SRRM2: variants seen among roughly 807,000 people sequenced by gnomAD.
SRRM2 encodes the protein serine/arginine repetitive matrix protein 2.
In SRRM2, 30 loss-of-function variants were observed where a neutral mutation model predicts 213.8. The ratio of observed to expected loss-of-function variants is 0.14; its 90% CI spans 0.10 to 0.19. The LOEUF (loss-of-function observed/expected upper bound fraction) is 0.19, where lower values mean the gene tolerates loss of function less well. Among genes scored for constraint, SRRM2 ranks in the 10% least tolerant of loss-of-function variants. The pLI, the probability that SRRM2 is intolerant of heterozygous loss-of-function variation, is 1.00. For synonymous variants in SRRM2, 2,025 were observed against 1,377.7 expected (o/e 1.47, Z -10.40); for missense variants, 4,904 against 3,647.0 (o/e 1.34, Z -8.88).
At chr16:2,757,374 G>A in intron 2 of SRRM2, 98 bp from the exon 3 acceptor site, 1 of 1,004,374 alleles carries the variant, frequency 1.0e-6, no homozygotes, top group Non-Finnish European at 1.5e-6. Context: ...GTGTGCGCAT[G>A]GAGAGGGAGG....
At chr16:2,769,364 C>T in intron 12 of SRRM2, 80 bp downstream of exon 12, 2 of 1,471,172 alleles carry the variant, frequency 1.4e-6, no homozygotes, top group Non-Finnish European at 9.1e-7. Context: ...TGTGAGCTCC[C>T]CGCTGGGTGT....
chr16:2,759,948 A>G (rs1186427425), intron 9 of SRRM2: 2 of 535,960 alleles, frequency 3.7e-6, no homozygotes, highest in African/African-American at 3.8e-5. Flanking sequence ...TGGGGGAGGA[A>G]GGAATCCTTA....
Position 2,768,046 on chromosome 16 carries a change from G to C in SRRM2, c.7518G>C (p.Val2506=), listed in dbSNP as rs982746465. ...VPAPGVPHSD[V]GEPPASTGAQ... ...CCCCTGGGGTGCCCCACTCTGATGT[G>C]GGGGAGCCACCTGCCTCTACTGGGG... The change falls in exon 11 of 15, where the codon GTG becomes GTC. Residue 2506 remains valine (V), a synonymous_variant. Transcript: ENST00000301740. 71 of 1,613,994 alleles carry C rather than the reference G, an allele frequency of 4.4e-5. No individual in the cohort carries two copies. Among genetic ancestry groups the C allele is most frequent in the Non-Finnish European group, 5.9e-5 (70 of 1,179,992 alleles).
rs759448198 is a variant in SRRM2, at chr16:2,764,443, G to C, written c.3915G>C (p.Trp1305Cys). 1.9e-6 allele frequency: 3 copies of C among 1,612,922 alleles called. No individual in the cohort carries two copies. The highest frequency in any genetic ancestry group is 2.2e-5 in the South Asian group (2 of 90,770). ...AVEVPSMASS[W>C]GGPHFSPEHK... ...AAGTCCCTTCAATGGCCTCATCTTG[G>C]GGTGGGCCACATTTTTCTCCAGAAC... is the stretch of plus-strand genomic sequence containing the variant. The change falls in exon 11 of 15, where the codon TGG (tryptophan) becomes TGC (cysteine). Residue 1305 changes from tryptophan to cysteine, a missense_variant. Transcript: ENST00000301740.
chr16:2,762,524 C>T lies in SRRM2; in HGVS notation c.1996C>T (p.Arg666Cys), dbSNP rs750801916. 5.8e-5 allele frequency: 93 copies of T among 1,613,722 alleles called. No homozygotes were observed. In the Admixed American group the frequency reaches 6.5e-4, roughly 11 times the overall value. ...GRSRSRTPAR[R>C]GRSRSRTPAR... ...CTCACGCTCCAGAACCCCAGCCAGA[C>T]GTGGCCGCTCACGCTCTAGAACCCC... is the stretch of plus-strand genomic sequence containing the variant. Residue 666 changes from arginine (R) to cysteine (C), a missense_variant, in exon 11 of 15, where the codon CGT becomes TGT. Arg to Cys is a radical substitution (Grantham distance 180). Coordinates refer to ENST00000301740, the MANE Select transcript of SRRM2 (RefSeq NM_016333.4).
rs1163167450 is a variant in SRRM2, at chr16:2,764,803, T to C, written c.4275T>C (p.Pro1425=). 1 of 1,614,052 alleles carries C rather than the reference T, an allele frequency of 6.2e-7. No individual in the cohort carries two copies. The highest frequency in any genetic ancestry group is 1.3e-5 in the African/African-American group (1 of 74,914). The change falls in exon 11 of 15, where the codon CCT becomes CCC. Residue 1425 remains proline (P), a synonymous_variant. Transcript: ENST00000301740. ...AAAGAAGTAGTTCTGCATCTTCTCC[T>C]GAAATGAAAGATGGTTTACCCAGAA... is the stretch of plus-strand genomic sequence containing the variant. The part of the protein sequence containing the change: ...SRERSSSASS[P]EMKDGLPRTP...
rs747594136 is a variant in SRRM2 at position 2,767,435 on chromosome 16, C to T, written c.6907C>T (p.Pro2303Ser). 1 of 1,614,142 alleles carries T rather than the reference C, an allele frequency of 6.2e-7. No individual in the cohort carries two copies. The highest frequency in any genetic ancestry group is 1.1e-5 in the South Asian group (1 of 91,084). ...PAVNLAGART[P>S]AALAALSLTG... ...TGTGAACCTAGCAGGGGCCAGAACC[C>T]CAGCTGCCTTGGCAGCTCTGAGTCT... Residue 2303 changes from proline (P) to serine (S), a missense_variant, in exon 11 of 15, where the codon CCA becomes TCA. By Grantham distance (74) the Pro-to-Ser change is moderately conservative. Coordinates refer to ENST00000301740, the MANE Select transcript of SRRM2 (RefSeq NM_016333.4).
In SRRM2 at chr16:2,763,731, G is replaced by T. The variant is rs138424646; in HGVS notation, c.3203G>T (p.Arg1068Ile). 6.2e-7 allele frequency: 1 copy of T among 1,614,170 alleles called. No homozygotes were observed. Among genetic ancestry groups the T allele is most frequent in the Non-Finnish European group, 8.5e-7 (1 of 1,180,042 alleles). Residue 1068 changes from arginine to isoleucine, a missense_variant, in exon 11 of 15, where the codon AGA becomes ATA. Physicochemically the swap from Arg to Ile is moderately conservative, Grantham distance 97. Transcript: ENST00000301740. ...CAATCTCAAACTTCACCAGACCACA[G>T]ATCTGATACTTCAAGTCCAGAAGTG... ...KGQSQTSPDH[R>I]SDTSSPEVRQ...
rs1260601266 is a variant in SRRM2 at position 2,757,863 on chromosome 16, T to G, written c.433T>G (p.Tyr145Asp). 1 of 1,614,044 alleles carries G rather than the reference T, an allele frequency of 6.2e-7. No homozygotes were observed. Among genetic ancestry groups the G allele is most frequent in the African/African-American group, 1.3e-5 (1 of 74,924 alleles). ...LRAAFGISDSYVDGSSFDPQR... is the reference protein window; with the variant it reads ...LRAAFGISDSDVDGSSFDPQR... ...TGCTGCCTTTGGCATCAGTGATTCT[T>G]ACGTAGATGGCAGCTCTTTTGATCC... Residue 145 changes from tyrosine (Y) to aspartate (D), a missense_variant, in exon 4 of 15, where the codon TAC becomes GAC. Tyr to Asp is a radical substitution (Grantham distance 160). Coordinates refer to ENST00000301740, the MANE Select transcript of SRRM2 (RefSeq NM_016333.4).
rs775847464 is a variant in SRRM2, at chr16:2,761,912, C to T, written c.1384C>T (p.Arg462Cys). ...TTCTTCTTCTCCCACATCTAAGAAT[C>T]GCTCACATGGCCGAGCAAAACGGGA... ...EISSSPTSKNRSHGRAKRDKS... is the reference protein window; with the variant it reads ...EISSSPTSKNCSHGRAKRDKS... Residue 462 changes from arginine (R) to cysteine (C), a missense_variant, in exon 11 of 15, where the codon CGC (arginine) becomes TGC (cysteine). By Grantham distance (180) the Arg-to-Cys change is radical. Coordinates refer to ENST00000301740, the MANE Select transcript of SRRM2 (RefSeq NM_016333.4). 15 of 1,613,870 alleles carry T rather than the reference C, an allele frequency of 9.3e-6. No homozygotes were observed. The highest frequency in any genetic ancestry group is 2.2e-5 in the South Asian group (2 of 91,072).
chr16:2,762,496 C>T lies in SRRM2; in HGVS notation c.1968C>T (p.Gly656=), dbSNP rs757918903. 1.2e-6 allele frequency: 2 copies of T among 1,613,386 alleles called. No individual in the cohort carries two copies. Among genetic ancestry groups the T allele is most frequent in the South Asian group, 1.1e-5 (1 of 91,000 alleles). The change falls in exon 11 of 15, where the codon GGC becomes GGT. Residue 656 remains glycine, a synonymous_variant. Transcript: ENST00000301740. ...GCTCTAGAACCCCAGCTAGACGTGG[C>T]CGCTCACGCTCCAGAACCCCAGCCA... ...RSRSRTPARR[G]RSRSRTPARR... is the part of the protein sequence containing the mutation.
rs146577989 is a variant in SRRM2 at position 2,763,077 on chromosome 16, C to T, written c.2549C>T (p.Pro850Leu). 3.2e-5 allele frequency: 52 copies of T among 1,614,028 alleles called. 1 individual carries two copies. The highest frequency in any genetic ancestry group is 1.6e-4 in the Middle Eastern group (1 of 6,084). Residue 850 changes from proline (P) to leucine (L), a missense_variant, in exon 11 of 15, where the codon CCG becomes CTG. Coordinates refer to ENST00000301740, the MANE Select transcript of SRRM2 (RefSeq NM_016333.4). ...PHPKVKSGTP[P>L]RQGSITSPQA... ...CCTAAAGTGAAATCTGGAACACCAC[C>T]GAGGCAAGGGTCCATAACAAGTCCC...
At chr16:2,753,743 TG>T (rs2068033094) in intron 1 of SRRM2, 1 of 152,210 alleles carries the variant, frequency 6.6e-6, no homozygotes, top group African/African-American at 2.4e-5. Context: ...CAGAGTGTTG[TG>T]TTGTCTTTCA....
In SRRM2 at chr16:2,766,117, C is replaced by T. The variant is rs1223619160; in HGVS notation, c.5589C>T (p.Arg1863=). 1 of 1,614,184 alleles carries T rather than the reference C, an allele frequency of 6.2e-7. No individual in the cohort carries two copies. Among genetic ancestry groups the T allele is most frequent in the Non-Finnish European group, 8.5e-7 (1 of 1,180,026 alleles). The change falls in exon 11 of 15, where the codon CGC becomes CGT. Residue 1863 remains arginine, a synonymous_variant. Coordinates refer to ENST00000301740, the MANE Select transcript of SRRM2 (RefSeq NM_016333.4). This position sits in a 1 kb window ranked among gnomAD's most constrained non-coding sequence, Gnocchi z 7.0. ...GCACATCACCAGCCCCGTGGAAACG[C>T]TCTAGATCTCGAGCCTCTCCAGCCA... The part of the protein sequence containing the change: ...RSRTSPAPWK[R]SRSRASPATH...
chr16:2,763,857 C>T lies in SRRM2; in HGVS notation c.3329C>T (p.Ser1110Phe). ...TCATCTCCAGTCACTGAGCTGGCAT[C>T]CAGATCTCCAATAAGACAAGATAGA... ...RSSSPVTELASRSPIRQDRGE... is the reference protein window; with the variant it reads ...RSSSPVTELAFRSPIRQDRGE... Residue 1110 changes from serine (S) to phenylalanine (F), a missense_variant, in exon 11 of 15, where the codon TCC (serine) becomes TTC (phenylalanine). Ser to Phe is a radical substitution (Grantham distance 155, BLOSUM62 -2). Transcript: ENST00000301740. The T allele has an allele frequency of 6.2e-7, 1 of 1,614,198 alleles. No homozygotes were observed. The highest frequency in any genetic ancestry group is 8.5e-7 in the Non-Finnish European group (1 of 1,180,044).
chr16:2,766,175 A>C lies in SRRM2; in HGVS notation c.5647A>C (p.Ile1883Leu). The C allele has an allele frequency of 6.2e-7, 1 of 1,614,128 alleles. No homozygotes were observed. The highest frequency in any genetic ancestry group is 8.5e-7 in the Non-Finnish European group (1 of 1,180,024). The part of the protein sequence containing the change: ...HRRSRSRTPL[I>L]SRRRSRSRTS... ...GCGATCCAGGTCCAGAACCCCCCTG[A>C]TAAGCCGACGTAGGTCCAGATCTCG... Residue 1883 changes from isoleucine to leucine, a missense_variant, in exon 11 of 15, where the codon ATA (isoleucine) becomes CTA (leucine). Coordinates refer to ENST00000301740, the MANE Select transcript of SRRM2 (RefSeq NM_016333.4). This position sits in a 1 kb window ranked among gnomAD's most constrained non-coding sequence, Gnocchi z 7.0.
rs757234689 is a variant in SRRM2, at chr16:2,767,883, C to T, written c.7355C>T (p.Pro2452Leu). The stretch of plus-strand genomic sequence containing the variant: ...CAGGATCAGCCGAGGTCTCCTGTGC[C>T]TTCTGCTTTTTCAGACCAATCCCGT... Reference protein sequence around the residue: ...PAQDQPRSPVPSAFSDQSRCL... With the variant: ...PAQDQPRSPVLSAFSDQSRCL... The change falls in exon 11 of 15, where the codon CCT becomes CTT. Residue 2452 changes from proline (P) to leucine (L), a missense_variant. Physicochemically the swap from Pro to Leu is moderately conservative, Grantham distance 98. Transcript: ENST00000301740. The T allele has an allele frequency of 7.4e-6, 12 of 1,614,168 alleles. No individual in the cohort carries two copies. In the Admixed American group the frequency reaches 1.5e-4, roughly 20 times the overall value.
chr16:2,761,996 G>A lies in SRRM2; in HGVS notation c.1468G>A (p.Ala490Thr), dbSNP rs144952540. 3.3e-4 allele frequency: 531 copies of A among 1,614,008 alleles called. 2 individuals carry two copies. Among genetic ancestry groups the A allele is most frequent in the Middle Eastern group, 1.6e-4 (1 of 6,084 alleles). Residue 490 changes from alanine to threonine, a missense_variant, in exon 11 of 15, where the codon GCT (alanine) becomes ACT (threonine). By Grantham distance (58) the Ala-to-Thr change is moderately conservative. Coordinates refer to ENST00000301740, the MANE Select transcript of SRRM2 (RefSeq NM_016333.4). ...RMGRSRSPAT[A>T]KRGRSRSRTP... is the part of the protein sequence containing the mutation. ...GGGGAGGTCCCGTAGCCCTGCCACC[G>A]CTAAGAGAGGGCGATCTCGGTCTCG... is the stretch of plus-strand genomic sequence containing the variant.
At chr16:2,770,794 G>A in intron 14 of SRRM2, 64 bp from the exon 15 acceptor site, 3 of 1,611,796 alleles carry the variant, frequency 1.9e-6, no homozygotes, top group African/African-American at 1.3e-5. Flanking sequence ...TTTGGGAGTG[G>A]CCCAGAAACT....
Sources: gnomAD v4.1 joint callset for allele counts on GRCh38, gnomAD v4.1.1 for gene constraint, Gnocchi (gnomAD v3.1) non-coding constraint, MANE v1.5 for transcripts, NCBI Gene and HGNC (gene_info 2026-07-23, HGNC 2026-07-21) for gene names.